Variants in CLEC20A observed in about 807,000 individuals in gnomAD.
CLEC20A encodes C-type lectin domain containing 20A, also known as putative C-type lectin domain family 20 member A.
exon 4 of CLEC20A, chr1:178,490,425 A>G: frequency 2.5e-6 from 1 of 398,718 alleles, no homozygotes; most frequent in Non-Finnish European, 4.4e-6. Flanking sequence ...CTGACCACTG[A>G]TCTGGACCAC....
In CLEC20A at chr1:178,482,090, C is replaced by A. The variant is rs6684185; in HGVS notation, c.1122+222G>T. 7.4e-3 allele frequency: 2,721 copies of A among 365,942 alleles called. 75 individuals are homozygous for A. Among genetic ancestry groups the A allele is most frequent in the African/African-American group, 0.052 (2,222 of 43,094 alleles). 22.7% of individuals were successfully genotyped at this position (365,942 alleles called of 1,614,324 possible). A position where few individuals can be genotyped will look rare whatever the true frequency, so the allele number is the denominator to read the frequency against. The stretch of plus-strand genomic sequence containing the variant: ...AAAAAAAAACAAAAAAACAAAAAAA[C>A]AACAAAAAAAAAAACTTAGGAAAGA... On this transcript the variant is annotated intron_variant, in intron 7 of 7. Coordinates refer to ENST00000623247, the Ensembl canonical transcript of CLEC20A.
chr1:178,496,837 C>T (rs1022974189), intron 1 of CLEC20A, 63 bp downstream of exon 1: 7 of 398,626 alleles, frequency 1.8e-5, no homozygotes, highest in Non-Finnish European at 3.1e-5. Flanking sequence ...CGCCCCCTTC[C>T]CTCAGCCTCT....
chr1:178,488,686 T>C (rs186952555), intron 4 of CLEC20A, 87 bp from the exon 5 acceptor site: 11 of 398,238 alleles, frequency 2.8e-5, no homozygotes, highest in African/African-American at 2.1e-4. Context: ...GCCCCGCATT[T>C]GGTTGCCCAT....
intron 5 of CLEC20A, chr1:178,484,005 T>A (rs547780152): frequency 6.6e-6 from 1 of 152,374 alleles, no homozygotes; most frequent in Middle Eastern, 3.4e-3. Flanking sequence ...TTAATTTGAA[T>A]GTGTAAAGAT....
chr1:178,497,621 C>A (rs1649431068), upstream of CLEC20A, among the ~76,000 whole-genome samples: 1 of 152,208 alleles, frequency 6.6e-6, no homozygotes, highest in Non-Finnish European at 1.5e-5. Context: ...TGAACCTAAG[C>A]ATAAAAACGA....
chr1:178,498,176 A>T (rs1378928558), upstream of CLEC20A, among the ~76,000 whole-genome samples: 1 of 152,112 alleles, frequency 6.6e-6, no homozygotes, highest in Non-Finnish European at 1.5e-5. Context: ...TAGGTTGAAT[A>T]CTAAAAGCTT....
chr1:178,485,738 C>T (rs911041953), intron 5 of CLEC20A, among the ~76,000 whole-genome samples: 3 of 152,178 alleles, frequency 2.0e-5, no homozygotes, highest in Non-Finnish European at 4.4e-5. Flanking sequence ...AGGAAATTAT[C>T]GTCCAATTAA....
chr1:178,491,616 A>G (rs977176619), intron 3 of CLEC20A, among the ~76,000 whole-genome samples: 1 of 152,174 alleles, frequency 6.6e-6, no homozygotes, highest in African/African-American at 2.4e-5. Context: ...GCCCGAACTC[A>G]GGCCATACTA....
upstream of CLEC20A, among the ~76,000 whole-genome samples, chr1:178,497,470 C>G (rs1649426979): frequency 6.6e-6 from 1 of 152,190 alleles, no homozygotes. Context: ...TGCTCCACGC[C>G]CAGAAGGAAG....
At chr1:178,494,970 T>C (rs542502598) in intron 1 of CLEC20A, among the ~76,000 whole-genome samples, 160 bp from the exon 2 acceptor site, 2 of 152,296 alleles carry the variant, frequency 1.3e-5, no homozygotes, top group African/African-American at 4.8e-5. Context: ...CCTCCCAGCC[T>C]TGGCACAAGC....
At chr1:178,498,102 TCA>T (rs1572161779), upstream of CLEC20A, among the ~76,000 whole-genome samples, 1 of 151,934 alleles carries the variant, frequency 6.6e-6, no homozygotes, top group East Asian at 1.9e-4. Context: ...AAACTGTGGC[TCA>T]GAGAAGTGAA....
At chr1:178,488,709 A>T (rs918089935) in intron 4 of CLEC20A, 110 bp from the exon 5 acceptor site, 66 of 397,410 alleles carry the variant, frequency 1.7e-4, no homozygotes, top group Middle Eastern at 1.3e-3. Context: ...TGGTAGCCAA[A>T]CTCAGGAGGG....
At chr1:178,480,511 A>C (rs186076102) in intron 7 of CLEC20A, 1 of 152,614 alleles carries the variant, frequency 6.6e-6, no homozygotes, top group East Asian at 1.9e-4. Flanking sequence ...AGTAAACAAC[A>C]GTGGCTCACG....
At chr1:178,483,092 A>G (rs1397329052) in intron 6 of CLEC20A, 83 bp downstream of exon 6, 4 of 397,368 alleles carry the variant, frequency 1.0e-5, no homozygotes, top group Non-Finnish European at 1.8e-5. Context: ...AAAAGGTCTC[A>G]AGGGCCCTGT....
chr1:178,488,433 G>A (rs931608730), intron 5 of CLEC20A, 68 bp downstream of exon 5: 3 of 398,552 alleles, frequency 7.5e-6, no homozygotes, highest in Non-Finnish European at 1.3e-5. Flanking sequence ...TATGGGGCCT[G>A]CAAGCCAGCC....
intron 5 of CLEC20A, among the ~76,000 whole-genome samples, chr1:178,487,589 T>C (rs1649179945): frequency 6.6e-6 from 1 of 152,230 alleles, no homozygotes; most frequent in Non-Finnish European, 1.5e-5. Flanking sequence ...CAGGGGGGGA[T>C]GCTCCCCTTC....
At chr1:178,486,816 G>C in intron 5 of CLEC20A, 1 of 398,578 alleles carries the variant, frequency 2.5e-6, no homozygotes, top group Non-Finnish European at 4.4e-6. Flanking sequence ...TCTGGGCAGT[G>C]ACCGGCGGCA....
chr1:178,490,820 T>C (rs1242379554), intron 3 of CLEC20A, among the ~76,000 whole-genome samples: 1 of 152,242 alleles, frequency 6.6e-6, no homozygotes, highest in Non-Finnish European at 1.5e-5. Flanking sequence ...TAGTAAGCAC[T>C]TGGCAAGATG....
chr1:178,498,934 G>A (rs180956031), upstream of CLEC20A, among the ~76,000 whole-genome samples: 258 of 152,330 alleles, frequency 1.7e-3, 5 homozygotes, highest in African/African-American at 5.8e-3. Context: ...CAATGGCCTC[G>A]GATAACTTCC....
Sources: allele counts gnomAD v4.1 joint callset (sites outside exome capture counted in the v4.1 genomes callset), GRCh38; gene constraint gnomAD v4.1.1; transcripts MANE v1.5; gene names NCBI Gene and HGNC (gene_info 2026-07-23, HGNC 2026-07-21).